The following P4HA3 variants were observed in gnomAD, a reference collection of about 807,000 sequenced individuals.
P4HA3 encodes the protein prolyl 4-hydroxylase subunit alpha-3.
A neutral mutation model predicts 66.7 loss-of-function variants in P4HA3; 60 were observed. The observed-to-expected ratio is 0.90, with a 90% CI of 0.73 to 1.12. The LOEUF (loss-of-function observed/expected upper bound fraction) is 1.12. Among genes scored for constraint, P4HA3 ranks in the 50% most tolerant of loss-of-function variants. The probability of loss-of-function intolerance (pLI) is 0.00; values close to 1 mark genes in which losing one functional copy is unlikely to be tolerated. For synonymous variants in P4HA3, 263 were observed against 274.6 expected (o/e 0.96, Z 0.42); for missense variants, 683 against 685.8 (o/e 1.00, Z 0.05).
At chr11:74,276,711 C>G (rs1459840836) in intron 9 of P4HA3, among the ~76,000 whole-genome samples, 1 of 152,150 alleles carries the variant, frequency 6.6e-6, no homozygotes, top group Admixed American at 6.5e-5. Context: ...ACAATCCTCA[C>G]TAGGAAGTCC....
At chr11:74,270,142 T>C (rs1436449101) in intron 10 of P4HA3, among the ~76,000 whole-genome samples, 1 of 152,210 alleles carries the variant, frequency 6.6e-6, no homozygotes, top group Non-Finnish European at 1.5e-5. Context: ...CTGAGATAGC[T>C]TCTGATCTTC....
intron 10 of P4HA3, among the ~76,000 whole-genome samples, chr11:74,273,279 T>C (rs1425361687): frequency 6.6e-6 from 1 of 152,190 alleles, no homozygotes; most frequent in African/African-American, 2.4e-5. Context: ...TCAGTGGAGC[T>C]CCACTTCCCA....
chr11:74,251,062 TAAC>T, intron 15 of P4HA3: 1 of 1,559,096 alleles, frequency 6.4e-7, no homozygotes, highest in South Asian at 1.2e-5. Context: ...ACTGTGAGAA[TAAC>T]CCTGGATGTC....
intron 3 of P4HA3, among the ~76,000 whole-genome samples, chr11:74,299,413 C>A (rs1228148436): frequency 6.6e-6 from 1 of 152,156 alleles, no homozygotes; most frequent in Non-Finnish European, 1.5e-5. Flanking sequence ...AACAATAAAT[C>A]ATTTTTCCTT....
chr11:74,256,613 G>A (rs1262149870), intron 15 of P4HA3, among the ~76,000 whole-genome samples: 3 of 152,160 alleles, frequency 2.0e-5, no homozygotes, highest in Non-Finnish European at 2.9e-5. Context: ...TGTCCTTGCA[G>A]AGCCTACAGA....
At chr11:74,274,472 A>AT (rs575693268) in intron 9 of P4HA3, among the ~76,000 whole-genome samples, 8,419 of 140,498 alleles carry the variant, frequency 0.06, 282 homozygotes, top group Middle Eastern at 0.11. Flanking sequence ...TGCCCAGCTA[A>AT]TTTTTTTTTT....
Position 74,269,681 on chromosome 11 carries a change from A to T in P4HA3, c.1438T>A (p.Tyr480Asn), listed in dbSNP as rs747484953. 1 of 1,614,018 alleles carries T rather than the reference A, an allele frequency of 6.2e-7. No homozygotes were observed. Among genetic ancestry groups the T allele is most frequent in the Admixed American group, 1.7e-5 (1 of 60,012 alleles). The change falls in exon 11 of 13, where the codon TAT becomes AAT. Residue 480 changes from tyrosine (Y) to asparagine (N), a missense_variant. Coordinates refer to ENST00000331597, the MANE Select transcript of P4HA3 (RefSeq NM_182904.5). Reference protein sequence around the residue: ...VEAGGATAFIYANLSVPVVRN... With the variant: ...VEAGGATAFINANLSVPVVRN... ...ACCACAGGCACGCTGAGGTTGGCAT[A>T]GATGAAGGCTGTGGCTCCTCCAGCT...
At chr11:74,275,079 T>C (rs4121666) in intron 9 of P4HA3, among the ~76,000 whole-genome samples, 7,747 of 152,324 alleles carry the variant, frequency 0.051, 505 homozygotes, top group African/African-American at 0.15. Context: ...TGGATACAAG[T>C]TCTTTACCAA....
chr11:74,264,235 C>T (rs1565401938), downstream of P4HA3, among the ~76,000 whole-genome samples: 1 of 152,150 alleles, frequency 6.6e-6, no homozygotes, highest in African/African-American at 2.4e-5. Flanking sequence ...ACTAACCATT[C>T]CTACCTCACT....
At chr11:74,309,545 C>A (rs1861665929) in intron 1 of P4HA3, among the ~76,000 whole-genome samples, 1 of 152,138 alleles carries the variant, frequency 6.6e-6, no homozygotes, top group Non-Finnish European at 1.5e-5. Context: ...GCATGGGTAG[C>A]AGGGAGAATG....
downstream of P4HA3, among the ~76,000 whole-genome samples, chr11:74,262,354 C>T (rs1002822958): frequency 3.9e-5 from 6 of 151,980 alleles, no homozygotes; most frequent in Admixed American, 6.6e-5. Flanking sequence ...TAGGAGGGGT[C>T]CTGTGACCAA....
At chr11:74,303,292 CTTTTTT>C (rs779313817) in intron 2 of P4HA3, among the ~76,000 whole-genome samples, 2 of 123,232 alleles carry the variant, frequency 1.6e-5, no homozygotes, top group African/African-American at 3.1e-5. Context: ...CAACAAACTT[CTTTTTT>C]TTTTTTTTTT....
At position 74,251,780 on chromosome 11, in the gene P4HA3, T is replaced by C. The variant is rs142436392; in HGVS notation, c.*1319-3779A>G. On this transcript the variant is annotated intron_variant and NMD_transcript_variant, in intron 15 of 15. Coordinates refer to the P4HA3 transcript ENST00000524388. ...GCCGAATCTGACAAGCAGACACTTG[T>C]AGGACTGTAAATATCTCTGCCTTAC... 8,082 of 1,584,036 alleles carry C rather than the reference T, an allele frequency of 5.1e-3. 92 individuals carry two copies. The highest frequency in any genetic ancestry group is 0.039 in the Middle Eastern group (236 of 6,012).
At chr11:74,274,367 G>A (rs112559314) in intron 9 of P4HA3, among the ~76,000 whole-genome samples, 5,959 of 149,642 alleles carry the variant, frequency 0.04, 125 homozygotes, top group Middle Eastern at 0.11. Context: ...GTGCAGTGGC[G>A]TGATCTCAGC....
rs1180526310 is a variant in P4HA3 at position 74,302,612 on chromosome 11, A to G, written c.344-20T>C. 1 of 1,599,408 alleles carries G rather than the reference A, an allele frequency of 6.3e-7. No individual in the cohort carries two copies. The highest frequency in any genetic ancestry group is 8.5e-7 in the Non-Finnish European group (1 of 1,171,672). On this transcript the variant is annotated intron_variant, in intron 2 of 12. Coordinates refer to ENST00000331597, the MANE Select transcript of P4HA3 (RefSeq NM_182904.5). ...TCAGAGCTGTAAAAGTAGTAAAAAC[A>G]TCAACCCAGCATTCAAGAAACAGGA...
At chr11:74,287,191 T>C (rs1232218178) in intron 5 of P4HA3, 15 of 1,280,700 alleles carry the variant, frequency 1.2e-5, no homozygotes, top group South Asian at 6.3e-5. Context: ...CCTCTTTGCA[T>C]GACTCTCAAT....
intron 7 of P4HA3, among the ~76,000 whole-genome samples, chr11:74,281,419 G>T (rs1449422585): frequency 6.6e-6 from 1 of 152,168 alleles, no homozygotes; most frequent in Non-Finnish European, 1.5e-5. Flanking sequence ...AAAGACACAT[G>T]CACACGTATG....
chr11:74,256,986 G>A (rs1440737331), intron 15 of P4HA3, among the ~76,000 whole-genome samples: 1 of 152,168 alleles, frequency 6.6e-6, no homozygotes, highest in African/African-American at 2.4e-5. Flanking sequence ...GTAGACAGAG[G>A]TAAATAATGA....
At chr11:74,285,621 T>C in intron 7 of P4HA3, 188 bp downstream of exon 7, 1 of 586,334 alleles carries the variant, frequency 1.7e-6, no homozygotes, top group Non-Finnish European at 3.0e-6. Flanking sequence ...CAGTTAATCC[T>C]TTCCCTCTAG....
Sources: gnomAD v4.1 joint callset for allele counts (sites outside exome capture counted in the v4.1 genomes callset) on GRCh38, gnomAD v4.1.1 for gene constraint, MANE v1.5 for transcripts, NCBI Gene and HGNC (gene_info 2026-07-23, HGNC 2026-07-21) for gene names.